Variants in LMO1 observed in about 807,000 individuals in gnomAD.
The protein encoded by LMO1 is rhombotin-1.
In LMO1, 10 loss-of-function variants were observed where a neutral mutation model predicts 18.0. The observed-to-expected ratio is 0.55, with a 90% CI of 0.34 to 0.94. The LOEUF is 0.94. Ranked by LOEUF, LMO1 falls within the 40% of genes least tolerant of loss-of-function variation. The pLI is 0.02. For missense variants in LMO1, 183 were observed against 205.7 expected (o/e 0.89, Z 0.68); for synonymous variants, 77 against 77.9 (o/e 0.99, Z 0.06).
intron 1 of LMO1, among the ~76,000 whole-genome samples, chr11:8,253,808 C>T (rs1057123184): frequency 1.3e-5 from 2 of 152,000 alleles, no homozygotes; most frequent in Non-Finnish European, 2.9e-5. Flanking sequence ...ACGAATTTTT[C>T]CCCGCCGAGA....
intron 1 of LMO1, among the ~76,000 whole-genome samples, chr11:8,257,746 C>T (rs532227376): frequency 2.0e-5 from 3 of 152,326 alleles, no homozygotes; most frequent in South Asian, 4.2e-4. Flanking sequence ...GTGATCTGGA[C>T]GTGGGCGAGT....
chr11:8,262,943 G>T (rs1847211915), intron 1 of LMO1, among the ~76,000 whole-genome samples: 1 of 152,228 alleles, frequency 6.6e-6, no homozygotes, highest in Non-Finnish European at 1.5e-5. Context: ...CGGCTGGCGC[G>T]AGGGTGATGG....
In LMO1 at chr11:8,263,659, CT is replaced by C; in HGVS notation, c.-298del. The C allele has an allele frequency of 1.6e-6, 2 of 1,288,694 alleles. No individual in the cohort carries two copies. The highest frequency in any genetic ancestry group is 2.1e-5 in the South Asian group (1 of 46,948). 79.8% of individuals were successfully genotyped at this position (1,288,694 alleles called of 1,614,324 possible). A position where few individuals can be genotyped will look rare whatever the true frequency, so the allele number is the denominator to read the frequency against. ...GGGGAAAAGAGGATCAGAGCCGTTTCTTTGATTCTCACCTTCTAAATGGCTC... is the reference window on the plus strand; with the variant it reads ...GGGGAAAAGAGGATCAGAGCCGTTTCTTGATTCTCACCTTCTAAATGGCTC... On this transcript the variant is annotated 5_prime_UTR_variant, in exon 1 of 4. Transcript: ENST00000335790.
chr11:8,236,943 G>A (rs1031638850), intron 1 of LMO1, among the ~76,000 whole-genome samples: 6 of 152,178 alleles, frequency 3.9e-5, no homozygotes, highest in Admixed American at 6.5e-5. Flanking sequence ...CCGCACGCAC[G>A]TTTAGTCTCT....
intron 1 of LMO1, among the ~76,000 whole-genome samples, chr11:8,233,229 T>A (rs1952701147): frequency 6.6e-6 from 1 of 151,966 alleles, no homozygotes; most frequent in Non-Finnish European, 1.5e-5. Context: ...TCAGCCTGGC[T>A]GAGAAGGCCC....
chr11:8,246,914 G>C (rs1846904750), intron 1 of LMO1, among the ~76,000 whole-genome samples: 1 of 152,104 alleles, frequency 6.6e-6, no homozygotes, highest in Non-Finnish European at 1.5e-5. Flanking sequence ...GGGATGAAAG[G>C]GATGAAAGGG....
chr11:8,229,643 G>C (rs963911044), intron 2 of LMO1, among the ~76,000 whole-genome samples: 1 of 152,254 alleles, frequency 6.6e-6, no homozygotes, highest in Admixed American at 6.5e-5. Context: ...TTAGAGCTCA[G>C]AGGAATGCAA....
At chr11:8,252,952 G>C (rs1379178812) in intron 1 of LMO1, among the ~76,000 whole-genome samples, 1 of 152,272 alleles carries the variant, frequency 6.6e-6, no homozygotes, top group Non-Finnish European at 1.5e-5. Context: ...CACTGCCACA[G>C]TGGCATATAT....
intron 1 of LMO1, among the ~76,000 whole-genome samples, chr11:8,258,923 C>G (rs1448114842): frequency 2.0e-5 from 3 of 152,310 alleles, no homozygotes; most frequent in Non-Finnish European, 1.5e-5. Context: ...ATCTCAGCTT[C>G]CCCCAGTCCT....
At chr11:8,236,979 G>A (rs889357104) in intron 1 of LMO1, among the ~76,000 whole-genome samples, 1 of 152,206 alleles carries the variant, frequency 6.6e-6, no homozygotes. Context: ...TCAAAAAGTG[G>A]ATCAGAGCTT....
intron 1 of LMO1, among the ~76,000 whole-genome samples, chr11:8,262,083 G>A (rs759833173): frequency 5.3e-5 from 8 of 152,178 alleles, no homozygotes; most frequent in Non-Finnish European, 1.2e-4. Context: ...GTGTGACCCT[G>A]AGCAAGTCAC....
Position 8,227,110 on chromosome 11 carries a change from G to A in LMO1, c.240-10C>T. 2 of 1,611,482 alleles carry A rather than the reference G, an allele frequency of 1.2e-6. No individual in the cohort carries two copies. Among genetic ancestry groups the A allele is most frequent in the Non-Finnish European group, 1.7e-6 (2 of 1,178,626 alleles). On this transcript the variant is annotated splice_polypyrimidine_tract_variant and intron_variant, in intron 2 of 3. Coordinates refer to ENST00000335790, the MANE Select transcript of LMO1 (RefSeq NM_002315.3). ...TGTGGTGCCAAAGAGCCTGCCGAGG[G>A]AAGGGCGCAGAGGACTCAGCAGCAT...
At chr11:8,250,818 G>A (rs558843597) in intron 1 of LMO1, among the ~76,000 whole-genome samples, 1 of 152,372 alleles carries the variant, frequency 6.6e-6, no homozygotes, top group South Asian at 2.1e-4. Context: ...ACGCTTCTCA[G>A]TGCCTTAGTT....
At chr11:8,248,372 T>C (rs1846931111) in intron 1 of LMO1, among the ~76,000 whole-genome samples, 1 of 152,124 alleles carries the variant, frequency 6.6e-6, no homozygotes. Context: ...TGTGTGCCCT[T>C]GAGACAGCAT....
At chr11:8,255,052 C>G (rs1032374018) in intron 1 of LMO1, among the ~76,000 whole-genome samples, 1 of 152,202 alleles carries the variant, frequency 6.6e-6, no homozygotes, top group African/African-American at 2.4e-5. Flanking sequence ...TCCCCACAGC[C>G]ACACCATTTG....
intron 1 of LMO1, among the ~76,000 whole-genome samples, chr11:8,258,409 T>C (rs1847133301): frequency 6.6e-6 from 1 of 152,176 alleles, no homozygotes; most frequent in African/African-American, 2.4e-5. Context: ...CCATCACGGC[T>C]CTGTCTTCTG....
chr11:8,239,759 T>A (rs1846752182), intron 1 of LMO1, among the ~76,000 whole-genome samples: 1 of 152,132 alleles, frequency 6.6e-6, no homozygotes, highest in Admixed American at 6.5e-5. Context: ...GCAATGCTTG[T>A]CTGCTCTAAG....
chr11:8,251,368 C>G (rs1322144540), intron 1 of LMO1, among the ~76,000 whole-genome samples: 1 of 152,202 alleles, frequency 6.6e-6, no homozygotes, highest in Non-Finnish European at 1.5e-5. Context: ...CTCCACCCTG[C>G]TCCCACGTGA....
chr11:8,233,033 G>A (rs748064629), intron 1 of LMO1, among the ~76,000 whole-genome samples: 3 of 152,202 alleles, frequency 2.0e-5, no homozygotes, highest in Non-Finnish European at 4.4e-5. Context: ...GCTGCCAGCC[G>A]CCGCAGGTCC....
Sources: gnomAD v4.1 joint callset for allele counts (sites outside exome capture counted in the v4.1 genomes callset) on GRCh38, gnomAD v4.1.1 for gene constraint, MANE v1.5 for transcripts, NCBI Gene and HGNC (gene_info 2026-07-23, HGNC 2026-07-21) for gene names.